RFX7: variants seen among roughly 807,000 people sequenced by gnomAD.
RFX7 encodes the protein DNA-binding protein RFX7.
In RFX7, 26 loss-of-function variants were observed where a neutral mutation model predicts 111.8. The observed-to-expected ratio is 0.23, with a 90% CI of 0.17 to 0.32. RFX7 has a LOEUF of 0.32. RFX7 is among the 10% of genes least tolerant of loss of function. RFX7 has a pLI of 1.00. For missense variants in RFX7, 1,573 were observed against 1,772.9 expected, an observed-to-expected ratio of 0.89 and a Z score of 2.02; for synonymous variants, 624 against 624.4, an observed-to-expected ratio of 1.00 and a Z score of 0.01.
intron 2 of RFX7, among the ~76,000 whole-genome samples, chr15:56,190,962 G>C (rs1047654344): frequency 6.6e-6 from 1 of 152,188 alleles, no homozygotes; most frequent in Non-Finnish European, 1.5e-5. Context: ...AGTATATTCA[G>C]AAAGTTAAAA....
intron 2 of RFX7, among the ~76,000 whole-genome samples, chr15:56,222,803 G>A (rs889309652): frequency 6.6e-6 from 1 of 151,954 alleles, no homozygotes; most frequent in South Asian, 2.1e-4. Flanking sequence ...TCATCTCTGG[G>A]TCTATTTCTA....
chr15:56,136,247 A>C (rs1186033008), intron 5 of RFX7, among the ~76,000 whole-genome samples: 1 of 145,640 alleles, frequency 6.9e-6, no homozygotes, highest in Non-Finnish European at 1.5e-5. Context: ...CCTACCCATG[A>C]GCATGGAATG....
intron 2 of RFX7, among the ~76,000 whole-genome samples, chr15:56,221,249 A>C (rs1287070561): frequency 1.3e-5 from 2 of 152,228 alleles, no homozygotes; most frequent in Admixed American, 6.5e-5. Flanking sequence ...ATAGCACTGA[A>C]TCTGTAAAAT....
rs2041567709 is a variant in RFX7, at chr15:56,089,319, G to C, written c.*4026C>G. On this transcript the variant is annotated 3_prime_UTR_variant, in exon 10 of 10. Transcript: ENST00000559447. ...ACATCTGAGCTGTGGCAGCCATCTT[G>C]TGACTATGAGGTAATAGACACAGCA... The C allele has an allele frequency of 6.6e-6, 1 of 152,526 alleles. No individual in the cohort carries two copies. The highest frequency in any genetic ancestry group is 6.6e-5 in the Admixed American group (1 of 15,258). The allele number at this position is 152,526 out of a possible 1,614,324, so 9.4% of individuals were successfully genotyped here. A position where few individuals can be genotyped will look rare whatever the true frequency, so the allele number is the denominator to read the frequency against.
chr15:56,102,221 A>G lies in RFX7; in HGVS notation c.551T>C (p.Phe184Ser), dbSNP rs1473759975. The G allele has an allele frequency of 1.2e-6, 2 of 1,612,896 alleles. No individual in the cohort carries two copies. The highest frequency in any genetic ancestry group is 1.7e-4 in the Middle Eastern group (1 of 6,058). Residue 184 changes from phenylalanine to serine, a missense_variant, in exon 7 of 10, where the codon TTT becomes TCT. Physicochemically the swap from Phe to Ser is radical, Grantham distance 155. Around this residue, in one of 7 missense-constraint regions of RFX7, gnomAD observed 288 missense variants for 337.9 expected, o/e 0.85. Transcript: ENST00000559447. Reference sequence around the variant, plus strand: ...GTTGGGCAGTGTTGGCATATGAACAAAAGCTTTTTTTCTTAGTCCACTGTA... The same window carrying G: ...GTTGGGCAGTGTTGGCATATGAACAGAAGCTTTTTTTCTTAGTCCACTGTA... ...YCYSGLRKKA[F>S]VHMPTLPNLD...
At chr15:56,129,753 A>G (rs1441670705) in intron 5 of RFX7, among the ~76,000 whole-genome samples, 4 of 152,202 alleles carry the variant, frequency 2.6e-5, no homozygotes, top group South Asian at 2.1e-4. Context: ...AGGTCTTGCA[A>G]TGTCTACTTG....
intron 2 of RFX7, among the ~76,000 whole-genome samples, chr15:56,217,821 C>T (rs1435621955): frequency 6.6e-6 from 1 of 152,176 alleles, no homozygotes. Flanking sequence ...CATGAAATGA[C>T]AGTAATCCAT....
rs1202314483 is a variant in RFX7, at chr15:56,243,507, G to A, written c.-65C>T. ...GGGAACATCACCGGGGAGACCAGCG[G>A]CTCCTCACGGCCGGGGCGCTTCACC... On this transcript the variant is annotated 5_prime_UTR_variant, in exon 1 of 10. Transcript: ENST00000559447. 4 of 984,772 alleles carry A rather than the reference G, an allele frequency of 4.1e-6. No homozygotes were observed. The African/African-American group carries it at 7.0e-5, about 17-fold the overall frequency. The allele number at this position is 984,772 out of a possible 1,614,324, so 61.0% of individuals were successfully genotyped here. A position where few individuals can be genotyped will look rare whatever the true frequency, so the allele number is the denominator to read the frequency against.
upstream of RFX7, among the ~76,000 whole-genome samples, chr15:56,244,696 C>G (rs2141264232): frequency 6.6e-6 from 1 of 151,890 alleles, no homozygotes. Flanking sequence ...CAGCCAAGGC[C>G]ACTGCCTGCC....
At chr15:56,138,453 T>C (rs2042338814) in intron 5 of RFX7, among the ~76,000 whole-genome samples, 1 of 149,930 alleles carries the variant, frequency 6.7e-6, no homozygotes, top group Non-Finnish European at 1.5e-5. Context: ...CCTTTTTTTG[T>C]TTTCCATTTG....
intron 5 of RFX7, among the ~76,000 whole-genome samples, chr15:56,119,607 T>A (rs2042049492): frequency 6.6e-6 from 1 of 151,688 alleles, no homozygotes; most frequent in African/African-American, 2.4e-5. Context: ...TGAAACCCTG[T>A]CTCTACTAAA....
chr15:56,097,598 T>G (rs1173076559), intron 9 of RFX7, among the ~76,000 whole-genome samples: 2 of 151,008 alleles, frequency 1.3e-5, no homozygotes, highest in East Asian at 3.9e-4. Flanking sequence ...AATACAAAAA[T>G]TAGCTGGGTG....
chr15:56,136,892 T>C (rs1298460458), intron 5 of RFX7, among the ~76,000 whole-genome samples: 3 of 146,846 alleles, frequency 2.0e-5, no homozygotes, highest in African/African-American at 7.6e-5. Context: ...TTTTTGTCTT[T>C]GGCTCTGTTT....
At chr15:56,148,334 T>C (rs1470830156) in intron 3 of RFX7, among the ~76,000 whole-genome samples, 1 of 152,250 alleles carries the variant, frequency 6.6e-6, no homozygotes. Context: ...ACGGTTTTTC[T>C]GAACTTTTAG....
In RFX7 at chr15:56,092,562, T is replaced by C. The variant is rs1029392338; in HGVS notation, c.*783A>G. 28 of 152,450 alleles carry C rather than the reference T, an allele frequency of 1.8e-4. No homozygotes were observed. Among genetic ancestry groups the C allele is most frequent in the African/African-American group, 6.7e-4 (28 of 41,578 alleles). The allele number at this position is 152,450 out of a possible 1,614,324, so 9.4% of individuals were successfully genotyped here. A position where few individuals can be genotyped will look rare whatever the true frequency, so the allele number is the denominator to read the frequency against. On this transcript the variant is annotated 3_prime_UTR_variant, in exon 10 of 10. Coordinates refer to ENST00000559447, the MANE Select transcript of RFX7 (RefSeq NM_022841.7). Reference sequence around the variant, plus strand: ...ATAAAGCATTTTTCTAACATGCTTGTATTTATTATATTAAATTACAAATGC... The same window carrying C: ...ATAAAGCATTTTTCTAACATGCTTGCATTTATTATATTAAATTACAAATGC...
chr15:56,188,628 G>A (rs1476952045), intron 2 of RFX7, among the ~76,000 whole-genome samples: 2 of 152,194 alleles, frequency 1.3e-5, no homozygotes, highest in Admixed American at 1.3e-4. Flanking sequence ...ATTTGCAGCA[G>A]AGGTACCAAA....
chr15:56,153,275 C>T (rs2042601093), intron 3 of RFX7, among the ~76,000 whole-genome samples: 1 of 152,134 alleles, frequency 6.6e-6, no homozygotes, highest in Non-Finnish European at 1.5e-5. Context: ...AATTTCAGGC[C>T]AATATCCCTG....
At chr15:56,193,744 A>C (rs1405995878) in intron 2 of RFX7, among the ~76,000 whole-genome samples, 1 of 152,190 alleles carries the variant, frequency 6.6e-6, no homozygotes, top group Non-Finnish European at 1.5e-5. Context: ...ATCAGCAATA[A>C]AGCAGATAAA....
intron 3 of RFX7, among the ~76,000 whole-genome samples, chr15:56,147,869 A>G (rs1384081776): frequency 6.6e-6 from 1 of 152,138 alleles, no homozygotes; most frequent in Non-Finnish European, 1.5e-5. Context: ...CACCATGCCC[A>G]GCCTAAAAAC....
Sources: allele counts gnomAD v4.1 joint callset (sites outside exome capture counted in the v4.1 genomes callset), GRCh38; gene constraint gnomAD v4.1.1; regional missense constraint gnomAD v4.1.1; transcripts MANE v1.5; gene names NCBI Gene and HGNC (gene_info 2026-07-23, HGNC 2026-07-21).